Variants in TAP2 observed in about 807,000 individuals in gnomAD.
TAP2 encodes the protein transporter 2, ATP binding cassette subfamily B member.
TAP2 carries 49 observed loss-of-function variants against 74.7 expected under a neutral mutation model. That is an observed-to-expected ratio of 0.66 (90% confidence interval 0.52 to 0.83). The LOEUF is 0.83. TAP2 is among the 40% of genes least tolerant of loss of function. TAP2 has a pLI of 0.00. For missense variants in TAP2, 739 were observed against 859.0 expected (o/e 0.86, Z 1.75); for synonymous variants, 306 against 368.4 (o/e 0.83, Z 1.94).
chr6:32,830,016 C>T lies in TAP2; in HGVS notation c.1709G>A (p.Ser570Asn). Residue 570 changes from serine (S) to asparagine (N), a missense_variant, in exon 10 of 12, where the codon AGC becomes AAC. Transcript: ENST00000374897. ...VRNNIAYGLQ[S>N]CEDDKVMAAA... ...CGCCATCACCTTATCATCTTCGCAG[C>T]TCTGCAGCCCATAAGCAATGTTGTT... is the stretch of plus-strand genomic sequence containing the variant. 6.2e-7 allele frequency: 1 copy of T among 1,613,126 alleles called. No homozygotes were observed. The highest frequency in any genetic ancestry group is 8.5e-7 in the Non-Finnish European group (1 of 1,180,030).
downstream of TAP2, among the ~76,000 whole-genome samples, chr6:32,825,200 C>T (rs1441212228): frequency 2.0e-5 from 3 of 149,698 alleles, no homozygotes; most frequent in African/African-American, 7.3e-5. Context: ...TTAATATAGC[C>T]TCTATGAAGG....
downstream of TAP2, among the ~76,000 whole-genome samples, chr6:32,822,558 G>A (rs1342584601): frequency 1.3e-5 from 2 of 152,064 alleles, no homozygotes; most frequent in African/African-American, 4.8e-5. Flanking sequence ...GTTTGTTTTA[G>A]AGACAAGGCC....
chr6:32,835,292 A>G lies in TAP2; in HGVS notation c.807T>C (p.Asn269=), dbSNP rs1769343452. Residue 269 remains asparagine, a synonymous_variant, in exon 5 of 12, where the codon AAT becomes AAC. Coordinates refer to ENST00000374897, the MANE Select transcript of TAP2 (RefSeq NM_001290043.2). The surrounding 1 kb of genome is among the most constrained non-coding windows in gnomAD (Gnocchi z 4.0). ...CTTTCACCAGGCTTCGCAAGAGCAC[A>G]TTGGCATTTAAAGGAAGCCAGTTAC... ...LMSNWLPLNA[N]VLLRSLVKVV... The G allele has an allele frequency of 6.2e-7, 1 of 1,613,112 alleles. No homozygotes were observed. Among genetic ancestry groups the G allele is most frequent in the Non-Finnish European group, 8.5e-7 (1 of 1,180,040 alleles).
intron 11 of TAP2, 117 bp from the exon 12 acceptor site, chr6:32,829,151 A>G (rs1768870109): frequency 6.7e-7 from 1 of 1,502,926 alleles, no homozygotes; most frequent in Non-Finnish European, 8.9e-7. Flanking sequence ...GAAGGTAGGA[A>G]AGGGCAGTAG....
intron 3 of TAP2, 90 bp downstream of exon 3, chr6:32,837,447 G>T: frequency 9.4e-7 from 1 of 1,058,232 alleles, no homozygotes; most frequent in Non-Finnish European, 1.4e-6. Context: ...TGTGTTTTGC[G>T]CCTGAAAGGG....
Position 32,829,452 on chromosome 6 carries a change from A to G in TAP2, c.1880T>C (p.Val627Ala). The change falls in exon 11 of 12, where the codon GTC becomes GCC. Residue 627 changes from valine to alanine, a missense_variant. Val to Ala is a moderately conservative substitution (Grantham distance 64). Coordinates refer to ENST00000374897, the MANE Select transcript of TAP2 (RefSeq NM_001290043.2). ...IARALVRDPR[V>A]LILDEATSAL... ...ACTAGTAGCCTCATCCAGGATGAGG[A>G]CCCGCGGGTCTCGTACAAGGGCCCG... 6.2e-7 allele frequency: 1 copy of G among 1,611,626 alleles called. No homozygotes were observed. Among genetic ancestry groups the G allele is most frequent in the Non-Finnish European group, 8.5e-7 (1 of 1,179,194 alleles).
In TAP2 at chr6:32,837,806, T is replaced by C; in HGVS notation, c.428A>G (p.Lys143Arg). The change falls in exon 2 of 12, where the codon AAG becomes AGG. Residue 143 changes from lysine to arginine, a missense_variant. Transcript: ENST00000374897. ...NNKVLMWRLL[K>R]LSRPDLPLLV... Reference sequence around the variant, plus strand: ...GAGAGGCAGGTCCGGCCTGGAGAGCTTCAGCAGCCTCCACATCAAGACTTT... The same window carrying C: ...GAGAGGCAGGTCCGGCCTGGAGAGCCTCAGCAGCCTCCACATCAAGACTTT... 6.2e-7 allele frequency: 1 copy of C among 1,613,876 alleles called. No homozygotes were observed. Among genetic ancestry groups the C allele is most frequent in the Non-Finnish European group, 8.5e-7 (1 of 1,179,984 alleles).
rs56091489 is a variant in TAP2, at chr6:32,838,247, G to C, written c.-4-10C>G. On this transcript the variant is annotated splice_polypyrimidine_tract_variant and intron_variant, in intron 1 of 11. Transcript: ENST00000374897. Reference sequence around the variant, plus strand: ...AGGGAGCCGCATGGCTCTGTCAACGGATACGAGATGAGAAATCATGGGGGT... The same window carrying C: ...AGGGAGCCGCATGGCTCTGTCAACGCATACGAGATGAGAAATCATGGGGGT... 280 of 1,539,830 alleles carry C rather than the reference G, an allele frequency of 1.8e-4. No individual in the cohort carries two copies. Among genetic ancestry groups the C allele is most frequent in the East Asian group, 1.2e-3 (55 of 44,258 alleles).
chr6:32,825,608 C>A lies in TAP2; in HGVS notation c.*3298G>T, dbSNP rs1409105382. ...TGCCTATGCAAGAGGAATTAGCAAA[C>A]CTTGAGAAGGATTGAGAGTGAGGCT... On this transcript the variant is annotated 3_prime_UTR_variant, in exon 12 of 12. Transcript: ENST00000374897. 2.0e-5 allele frequency: 3 copies of A among 152,150 alleles called. No homozygotes were observed. Among genetic ancestry groups the A allele is most frequent in the African/African-American group, 7.2e-5 (3 of 41,454 alleles). The allele number at this position is 152,150 out of a possible 1,614,324, so 9.4% of individuals were successfully genotyped here. A position where few individuals can be genotyped will look rare whatever the true frequency, so the allele number is the denominator to read the frequency against.
Position 32,838,028 on chromosome 6 carries a change from A to C in TAP2, c.206T>G (p.Leu69Arg). The change falls in exon 2 of 12, where the codon CTC becomes CGC. Residue 69 changes from leucine to arginine, a missense_variant. Leu to Arg is a moderately radical substitution (Grantham distance 102). Coordinates refer to ENST00000374897, the MANE Select transcript of TAP2 (RefSeq NM_001290043.2). ...LGFVGTLLLPLCLATPLTVSL... is the reference protein window; with the variant it reads ...LGFVGTLLLPRCLATPLTVSL... ...GACAGTCAGGGGGGTGGCCAGACAG[A>C]GCGGGAGCAGCAGTGTCCCCACAAA... 10 of 1,612,334 alleles carry C rather than the reference A, an allele frequency of 6.2e-6. No homozygotes were observed. Among genetic ancestry groups the C allele is most frequent in the Admixed American group, 1.7e-5 (1 of 59,958 alleles).
At chr6:32,836,851 C>T (rs746247280) in intron 3 of TAP2, among the ~76,000 whole-genome samples, 5 of 152,164 alleles carry the variant, frequency 3.3e-5, no homozygotes, top group East Asian at 1.9e-4. Context: ...AAATGGTTTT[C>T]GAGGGTACTC....
chr6:32,832,163 T>C lies in TAP2; in HGVS notation c.1272+170A>G, dbSNP rs1039677622. ...AGGATGTATACATGTGAGTTTGTAATATTATTTTGTCTCATTTTTGGCATA... is the reference window on the plus strand; with the variant it reads ...AGGATGTATACATGTGAGTTTGTAACATTATTTTGTCTCATTTTTGGCATA... On this transcript the variant is annotated intron_variant, in intron 7 of 11. Transcript: ENST00000374897. This position sits in a 1 kb window ranked among gnomAD's most constrained non-coding sequence, Gnocchi z 5.9. The C allele has an allele frequency of 1.5e-5, 13 of 872,630 alleles. No individual in the cohort carries two copies. Among genetic ancestry groups the C allele is most frequent in the Non-Finnish European group, 2.3e-5 (13 of 564,106 alleles). 54.1% of individuals were successfully genotyped at this position (872,630 alleles called of 1,614,324 possible).
At chr6:32,822,358 GGT>G, downstream of TAP2, 1 of 1,315,484 alleles carries the variant, frequency 7.6e-7, no homozygotes, top group Non-Finnish European at 1.1e-6. Flanking sequence ...GATCTTAATG[GGT>G]GTTTTTTAAT....
chr6:32,822,333 CA>C (rs537104096), downstream of TAP2: 41 of 1,425,026 alleles, frequency 2.9e-5, no homozygotes, highest in Non-Finnish European at 3.7e-5. Context: ...AAAAAAAAAA[CA>C]AAAAAAACCC....
chr6:32,829,916 T>A lies in TAP2; in HGVS notation c.1795+14A>T, dbSNP rs1211740358. The stretch of plus-strand genomic sequence containing the variant: ...TTTTACTGAAGGAGCAAGCTTACAA[T>A]TTGTAGAAGATACCTGTGTATATTC... On this transcript the variant is annotated intron_variant, in intron 10 of 11. Coordinates refer to ENST00000374897, the MANE Select transcript of TAP2 (RefSeq NM_001290043.2). The A allele has an allele frequency of 4.8e-5, 78 of 1,612,938 alleles. No homozygotes were observed. The highest frequency in any genetic ancestry group is 6.5e-5 in the Non-Finnish European group (77 of 1,180,010).
rs1769532072 is a variant in TAP2 at position 32,837,943 on chromosome 6, G to A, written c.291C>T (p.Ala97=). ...SRAPPARVAS[A]PWSWLLVGYG... is the part of the protein sequence containing the mutation. ...ACCCCACCAGCAGCCAGCTCCAAGG[G>A]GCTGAAGCGACTCTGGCTGGGGGAG... is the stretch of plus-strand genomic sequence containing the variant. Residue 97 remains alanine (A), a synonymous_variant, in exon 2 of 12, where the codon GCC becomes GCT. Transcript: ENST00000374897. The A allele has an allele frequency of 6.2e-7, 1 of 1,612,854 alleles. No homozygotes were observed. The highest frequency in any genetic ancestry group is 8.5e-7 in the Non-Finnish European group (1 of 1,179,956).
In TAP2 at chr6:32,832,549, C is replaced by T; in HGVS notation, c.1143+78G>A. The T allele has an allele frequency of 6.2e-7, 1 of 1,612,044 alleles. No individual in the cohort carries two copies. Among genetic ancestry groups the T allele is most frequent in the East Asian group, 2.2e-5 (1 of 44,874 alleles). Reference sequence around the variant, plus strand: ...CTATGAGACTGAGCTGCAAAGGCCTCTAGAACCAGCTGTAGTTTCCTCTTC... The same window carrying T: ...CTATGAGACTGAGCTGCAAAGGCCTTTAGAACCAGCTGTAGTTTCCTCTTC... On this transcript the variant is annotated intron_variant, in intron 6 of 11. Transcript: ENST00000374897. The surrounding 1 kb of genome is among the most constrained non-coding windows in gnomAD (Gnocchi z 5.9).
chr6:32,823,245 T>TA (rs1283174797), downstream of TAP2, among the ~76,000 whole-genome samples: 4 of 152,266 alleles, frequency 2.6e-5, no homozygotes, highest in African/African-American at 9.6e-5. Flanking sequence ...TTAACTGGTC[T>TA]AGTCCAGGGA....
intron 5 of TAP2, among the ~76,000 whole-genome samples, chr6:32,833,719 A>G (rs1769238020): frequency 6.6e-6 from 1 of 152,168 alleles, no homozygotes; most frequent in South Asian, 2.1e-4. Context: ...CCGCTATGGA[A>G]AACTGTATGG....
Sources: allele counts gnomAD v4.1 joint callset (sites outside exome capture counted in the v4.1 genomes callset), GRCh38; gene constraint gnomAD v4.1.1; non-coding constraint Gnocchi (gnomAD v3.1); transcripts MANE v1.5; gene names NCBI Gene and HGNC (gene_info 2026-07-23, HGNC 2026-07-21).